PTPRE: variants seen among roughly 807,000 people sequenced by gnomAD.
The protein encoded by PTPRE is protein tyrosine phosphatase receptor type E.
A neutral mutation model predicts 102.0 loss-of-function variants in PTPRE; 51 were observed. The observed-to-expected ratio is 0.50, with a 90% CI of 0.40 to 0.63. The LOEUF (loss-of-function observed/expected upper bound fraction) is 0.63, where lower values mean the gene tolerates loss of function less well. PTPRE is among the 30% of genes least tolerant of loss of function. The pLI is 0.00. For missense variants in PTPRE, 752 were observed against 915.1 expected, an observed-to-expected ratio of 0.82 and a Z score of 2.30; for synonymous variants, 345 against 348.2, an observed-to-expected ratio of 0.99 and a Z score of 0.10.
chr10:128,005,427 AC>A (rs1271318425), intron 2 of PTPRE, among the ~76,000 whole-genome samples: 1 of 152,188 alleles, frequency 6.6e-6, no homozygotes, highest in East Asian at 1.9e-4. Flanking sequence ...ACAGGCTCTA[AC>A]CCAAGAGCCT....
At chr10:127,945,546 C>T (rs1353663435) in intron 1 of PTPRE, among the ~76,000 whole-genome samples, 2 of 152,206 alleles carry the variant, frequency 1.3e-5, no homozygotes, top group Non-Finnish European at 2.9e-5. Flanking sequence ...GTGTCACCTT[C>T]CTCTACAGGA....
Position 128,073,469 on chromosome 10 carries a change from C to G in PTPRE, c.1597C>G (p.Gln533Glu). Residue 533 changes from glutamine (Q) to glutamate (E), a missense_variant and splice_region_variant, in exon 17 of 21, where the codon CAG (glutamine) becomes GAG (glutamate). Coordinates refer to ENST00000254667, the MANE Select transcript of PTPRE (RefSeq NM_006504.6). ...GCTGACGGAGGTGCAGGAGAGAGAG[C>G]AGGTGAGGAGTGCCGCCCAGCCCGG... ...VMLTEVQERE[Q>E]DKCYQYWPTE... 1 of 1,613,124 alleles carries G rather than the reference C, an allele frequency of 6.2e-7. No individual in the cohort carries two copies. The highest frequency in any genetic ancestry group is 8.5e-7 in the Non-Finnish European group (1 of 1,179,738).
At chr10:128,020,228 T>C (rs983438403) in intron 2 of PTPRE, among the ~76,000 whole-genome samples, 3 of 152,236 alleles carry the variant, frequency 2.0e-5, no homozygotes, top group African/African-American at 7.2e-5. Flanking sequence ...CCCAATGTTG[T>C]ACATATGGAT....
In PTPRE at chr10:127,994,381, T is replaced by A. The variant is rs562539612; in HGVS notation, c.-8+12085T>A. Among the ~76,000 whole-genome samples the A allele has an allele frequency of 3.3e-4, 50 of 152,300 alleles. No homozygotes were observed. In the South Asian group the frequency reaches 0.01, roughly 31 times the overall value. ...CCCAAGTTACTTTCTGTACCCCCGT[T>A]TTACTTTATATTGTCATTAAAGCAC... On this transcript the variant is annotated intron_variant, in intron 2 of 20. Transcript: ENST00000254667.
rs1407453297 is a variant in PTPRE, at chr10:128,036,440, G to A, written c.-7-4435G>A. ...AACAGGACATTGCTCATAGGATTTC[G>A]GTGAGGGTTGATGAGGTCATTTATC... On this transcript the variant is annotated intron_variant, in intron 2 of 20. Transcript: ENST00000254667. Among the ~76,000 whole-genome samples the A allele has an allele frequency of 3.9e-5, 6 of 152,268 alleles. No individual in the cohort carries two copies. In the South Asian group the frequency reaches 1.0e-3, roughly 26 times the overall value.
At chr10:127,999,879 T>G (rs1853689782) in intron 2 of PTPRE, 2 of 985,382 alleles carry the variant, frequency 2.0e-6, no homozygotes, top group Non-Finnish European at 2.4e-6. Context: ...AATGTTCAAA[T>G]TATCAGCCCA....
intron 9 of PTPRE, 84 bp from the exon 10 acceptor site, chr10:128,062,999 G>C: frequency 6.3e-7 from 1 of 1,580,268 alleles, no homozygotes; most frequent in Non-Finnish European, 8.6e-7. Context: ...CTGTCCAGGG[G>C]CCAACGGCCA....
intron 2 of PTPRE, among the ~76,000 whole-genome samples, chr10:128,038,482 A>G (rs1847411042): frequency 6.6e-6 from 1 of 152,144 alleles, no homozygotes; most frequent in African/African-American, 2.4e-5. Flanking sequence ...CAGCCATAAA[A>G]AGGGATGAGT....
intron 2 of PTPRE, among the ~76,000 whole-genome samples, chr10:128,015,719 G>C (rs953533744): frequency 6.6e-6 from 1 of 151,996 alleles, no homozygotes; most frequent in African/African-American, 2.4e-5. Flanking sequence ...TGTAGTCCCA[G>C]CTACTCACTT....
At chr10:127,910,278 C>T (rs559026010) in intron 1 of PTPRE, among the ~76,000 whole-genome samples, 1 of 152,334 alleles carries the variant, frequency 6.6e-6, no homozygotes, top group African/African-American at 2.4e-5. Context: ...CAAGACTCAG[C>T]TCCCTGCTCT....
rs1180641921 is a variant in PTPRE, at chr10:127,937,163, TG to T, written c.-31+29856del. Among the ~76,000 whole-genome samples, 11 of 152,350 alleles carry T rather than the reference TG, an allele frequency of 7.2e-5. No individual in the cohort carries two copies. In the East Asian group the frequency reaches 1.9e-3, roughly 27 times the overall value. On this transcript the variant is annotated intron_variant, in intron 1 of 20. Transcript: ENST00000254667. Reference sequence around the variant, plus strand: ...TGACCTAGCTGCATCATTTTATTCATGGCATCAAGCCTTCAAGAATGTGGCT... The same window carrying T: ...TGACCTAGCTGCATCATTTTATTCATGCATCAAGCCTTCAAGAATGTGGCT...
chr10:128,046,471 G>A (rs1200951388), intron 3 of PTPRE, among the ~76,000 whole-genome samples: 1 of 152,242 alleles, frequency 6.6e-6, no homozygotes. Context: ...GTCATGCTGA[G>A]GCCTGTTCAC....
chr10:127,960,624 A>G (rs1849720254), intron 1 of PTPRE, among the ~76,000 whole-genome samples: 1 of 152,182 alleles, frequency 6.6e-6, no homozygotes, highest in Non-Finnish European at 1.5e-5. Flanking sequence ...GGTCTGAGTC[A>G]TCTTGGACCT....
At chr10:128,037,454 G>A (rs1847310578) in intron 2 of PTPRE, among the ~76,000 whole-genome samples, 6 of 152,138 alleles carry the variant, frequency 3.9e-5, no homozygotes, top group Admixed American at 3.9e-4. Context: ...CATGGGAGTG[G>A]GGTATCAGGG....
At chr10:127,988,043 A>G (rs546561760) in intron 2 of PTPRE, among the ~76,000 whole-genome samples, 10 of 152,338 alleles carry the variant, frequency 6.6e-5, no homozygotes, top group African/African-American at 2.2e-4. Context: ...GGCATCATTC[A>G]TATTGGGAGA....
rs1164596266 is a variant in PTPRE, at chr10:127,944,131, T to C, written c.-31+36822T>C. 6.6e-6 allele frequency among the ~76,000 whole-genome samples: 1 copy of C among 152,178 alleles called. No individual in the cohort carries two copies. Among genetic ancestry groups the C allele is most frequent in the East Asian group, 1.9e-4 (1 of 5,202 alleles). ...CAGGGTGGAGAGTGGCAGCAAATCA[T>C]GGTTCTGCTGCTGGAAGGACTGAAG... On this transcript the variant is annotated intron_variant, in intron 1 of 20. Transcript: ENST00000254667. This position sits in a 1 kb window ranked among gnomAD's most constrained non-coding sequence, Gnocchi z 4.2.
intron 1 of PTPRE, among the ~76,000 whole-genome samples, chr10:127,980,616 A>G (rs989826967): frequency 6.6e-6 from 1 of 152,204 alleles, no homozygotes; most frequent in Non-Finnish European, 1.5e-5. Flanking sequence ...TTCACCATTA[A>G]GAATAATTTG....
At chr10:127,971,060 G>A (rs957286972) in intron 1 of PTPRE, among the ~76,000 whole-genome samples, 8 of 152,168 alleles carry the variant, frequency 5.3e-5, no homozygotes, top group African/African-American at 1.9e-4. Context: ...ACACACAGCG[G>A]CAGAGGTCTC....
At chr10:127,953,891 T>C (rs1038918619) in intron 1 of PTPRE, among the ~76,000 whole-genome samples, 2 of 152,194 alleles carry the variant, frequency 1.3e-5, no homozygotes, top group Non-Finnish European at 2.9e-5. Flanking sequence ...AGATGTGCAA[T>C]TATATACTGA....
Sources: gnomAD v4.1 joint callset for allele counts (sites outside exome capture counted in the v4.1 genomes callset) on GRCh38, gnomAD v4.1.1 for gene constraint, Gnocchi (gnomAD v3.1) non-coding constraint, MANE v1.5 for transcripts, NCBI Gene and HGNC (gene_info 2026-07-23, HGNC 2026-07-21) for gene names.